The following SLC1A2 variants were observed in gnomAD, a reference collection of about 807,000 sequenced individuals.
The protein encoded by SLC1A2 is excitatory amino acid transporter 2.
Under a neutral mutation model 48.8 loss-of-function variants are expected in SLC1A2, and 15 were observed. The ratio of observed to expected loss-of-function variants is 0.31; its 90% confidence interval spans 0.21 to 0.47. The LOEUF is 0.47. Among genes scored for constraint, SLC1A2 ranks in the 20% least tolerant of loss-of-function variants. The probability of loss-of-function intolerance (pLI) is 0.99; values close to 1 mark genes in which losing one functional copy is unlikely to be tolerated. For missense variants in SLC1A2, 502 were observed against 730.5 expected, an observed-to-expected ratio of 0.69 and a Z score of 3.61; for synonymous variants, 279 against 272.6, an observed-to-expected ratio of 1.02 and a Z score of -0.23.
At chr11:35,390,345 C>T (rs1657821098) in intron 1 of SLC1A2, among the ~76,000 whole-genome samples, 1 of 152,144 alleles carries the variant, frequency 6.6e-6, no homozygotes, top group African/African-American at 2.4e-5. Flanking sequence ...CATGTCCTTC[C>T]TACATGTAGT....
intron 10 of SLC1A2, chr11:35,265,275 G>A (rs1019562804): frequency 1.1e-5 from 6 of 541,754 alleles, no homozygotes; most frequent in East Asian, 6.0e-5. Flanking sequence ...AGGGGAACCC[G>A]AATGGTTGTT....
intron 6 of SLC1A2, among the ~76,000 whole-genome samples, chr11:35,293,390 GTATACCAATTTATCTTA>G (rs1262711672): frequency 2.6e-5 from 4 of 152,112 alleles, no homozygotes; most frequent in African/African-American, 9.7e-5. Flanking sequence ...GCAGTTTGTC[GTATACCAATTTATCTTA>G]TATAAACTGA....
At chr11:35,275,416 C>T (rs1050367304) in intron 9 of SLC1A2, among the ~76,000 whole-genome samples, 5 of 151,610 alleles carry the variant, frequency 3.3e-5, no homozygotes, top group Admixed American at 1.3e-4. Context: ...CTCCATCCTG[C>T]CTCCTTCAGA....
chr11:35,392,575 C>T (rs1854816284), intron 1 of SLC1A2, among the ~76,000 whole-genome samples: 1 of 152,216 alleles, frequency 6.6e-6, no homozygotes, highest in African/African-American at 2.4e-5. Flanking sequence ...TCCATCTTGC[C>T]AGACCAGAAA....
chr11:35,303,615 A>C (rs1851418256), intron 5 of SLC1A2, among the ~76,000 whole-genome samples: 1 of 152,196 alleles, frequency 6.6e-6, no homozygotes, highest in Non-Finnish European at 1.5e-5. Context: ...ATTTCATTTG[A>C]AATTAAGAGA....
chr11:35,406,954 G>T (rs1855313975), intron 1 of SLC1A2, among the ~76,000 whole-genome samples: 2 of 152,156 alleles, frequency 1.3e-5, no homozygotes, highest in Non-Finnish European at 2.9e-5. Flanking sequence ...GAGCCCAAGA[G>T]GAGATTGGGA....
At chr11:35,331,231 T>C (rs1272433397) in intron 1 of SLC1A2, among the ~76,000 whole-genome samples, 4 of 152,306 alleles carry the variant, frequency 2.6e-5, no homozygotes, top group South Asian at 4.1e-4. Context: ...AGTAACATCT[T>C]TCTCTCTTTA....
intron 1 of SLC1A2, among the ~76,000 whole-genome samples, chr11:35,364,325 ACT>A (rs1422686100): frequency 6.6e-6 from 1 of 152,124 alleles, no homozygotes; most frequent in East Asian, 1.9e-4. Flanking sequence ...ACCCATGTAG[ACT>A]CACACTGAGA....
Position 35,265,558 on chromosome 11 carries a change from G to C in SLC1A2, c.1622C>G (p.Ala541Gly), listed in dbSNP as rs148795275. ...TTCATCTACTATGACAGAGTTGTGT[G>C]CAGCATAGACACATTGATTAGAGTT... ...ESNSNQCVYA[A>G]HNSVIVDECK... The change falls in exon 10 of 11, where the codon GCA (alanine) becomes GGA (glycine). Residue 541 changes from alanine to glycine, a missense_variant. Coordinates refer to ENST00000278379, the MANE Select transcript of SLC1A2 (RefSeq NM_004171.4). The C allele has an allele frequency of 3.3e-5, 53 of 1,601,704 alleles. No homozygotes were observed. Among genetic ancestry groups the C allele is most frequent in the Non-Finnish European group, 9.4e-6 (11 of 1,168,924 alleles).
At chr11:35,333,481 T>C (rs924674106) in intron 1 of SLC1A2, among the ~76,000 whole-genome samples, 4 of 151,820 alleles carry the variant, frequency 2.6e-5, no homozygotes, top group Admixed American at 1.3e-4. Context: ...TTTACCTATA[T>C]TGTTATACCA....
rs529097711 is a variant in SLC1A2, at chr11:35,306,801, C to T, written c.562-559G>A. Among the ~76,000 whole-genome samples the T allele has an allele frequency of 2.6e-5, 4 of 152,256 alleles. No homozygotes were observed. In the South Asian group the frequency reaches 6.2e-4, roughly 24 times the overall value. On this transcript the variant is annotated intron_variant, in intron 4 of 10. Coordinates refer to ENST00000278379, the MANE Select transcript of SLC1A2 (RefSeq NM_004171.4). The stretch of plus-strand genomic sequence containing the variant: ...GAAATGCAATATCTGTCTTTTTGTG[C>T]CTGGCTTATTTCACCTAAGATAACG...
intron 6 of SLC1A2, among the ~76,000 whole-genome samples, chr11:35,294,851 T>C (rs896577641): frequency 6.6e-6 from 1 of 152,070 alleles, no homozygotes; most frequent in Non-Finnish European, 1.5e-5. Context: ...CCATTGTAAA[T>C]GGAGAGTGTT....
intron 1 of SLC1A2, among the ~76,000 whole-genome samples, chr11:35,389,951 C>T (rs1314123966): frequency 6.6e-6 from 1 of 152,190 alleles, no homozygotes; most frequent in African/African-American, 2.4e-5. Context: ...TTCCGGATTT[C>T]TGTTTGCTAT....
At chr11:35,265,301 G>T in intron 10 of SLC1A2, 1 of 554,184 alleles carries the variant, frequency 1.8e-6, no homozygotes, top group East Asian at 2.9e-5. Context: ...TCACATGGAC[G>T]AAATAAGCAA....
intron 1 of SLC1A2, among the ~76,000 whole-genome samples, chr11:35,367,497 C>A (rs890060675): frequency 1.3e-5 from 2 of 152,208 alleles, no homozygotes; most frequent in Non-Finnish European, 2.9e-5. Flanking sequence ...TCCATTTTCC[C>A]GAACCCCTGC....
chr11:35,302,172 T>A (rs1290305677), intron 5 of SLC1A2, among the ~76,000 whole-genome samples: 1 of 152,194 alleles, frequency 6.6e-6, no homozygotes, highest in Non-Finnish European at 1.5e-5. Flanking sequence ...TGTAAAATTA[T>A]TTTTTATTAC....
chr11:35,367,860 A>T (rs941199730), intron 1 of SLC1A2, among the ~76,000 whole-genome samples: 4 of 152,240 alleles, frequency 2.6e-5, no homozygotes, highest in African/African-American at 9.6e-5. Flanking sequence ...TTAGATCACT[A>T]CCATCAATAA....
Position 35,382,259 on chromosome 11 carries a change from T to C in SLC1A2, c.17+36691A>G, listed in dbSNP as rs148275038. 1.4e-3 allele frequency among the ~76,000 whole-genome samples: 210 copies of C among 152,360 alleles called. 3 individuals carry two copies. The East Asian group carries it at 0.036, about 26-fold the overall frequency. The stretch of plus-strand genomic sequence containing the variant: ...TTTGTTTCATACTGTGCTTTCCCTG[T>C]GGTCCTTGTCAACCTGTCGATATTT... On this transcript the variant is annotated intron_variant, in intron 1 of 10. Coordinates refer to ENST00000278379, the MANE Select transcript of SLC1A2 (RefSeq NM_004171.4).
chr11:35,386,178 TAAATAAAATA>T (rs1023917701), intron 1 of SLC1A2, among the ~76,000 whole-genome samples: 1 of 151,948 alleles, frequency 6.6e-6, no homozygotes, highest in African/African-American at 2.4e-5. Context: ...AAAAATAAAA[TAAATAAAATA>T]AAATAAAATA....
Sources: allele counts gnomAD v4.1 joint callset (sites outside exome capture counted in the v4.1 genomes callset), GRCh38; gene constraint gnomAD v4.1.1; transcripts MANE v1.5; gene names NCBI Gene and HGNC (gene_info 2026-07-23, HGNC 2026-07-21).